SORBS2: variants seen among roughly 807,000 people sequenced by gnomAD.
SORBS2 encodes the protein sorbin and SH3 domain containing 2, also known as sorbin and SH3 domain-containing protein 2.
In SORBS2, 46 loss-of-function variants were observed where a neutral mutation model predicts 97.7. The ratio of observed to expected loss-of-function variants is 0.47; its 90% CI spans 0.37 to 0.60. SORBS2 has a LOEUF of 0.60. Among genes scored for constraint, SORBS2 ranks in the 20% least tolerant of loss-of-function variants. The probability of loss-of-function intolerance (pLI) is 0.00; values close to 1 mark genes in which losing one functional copy is unlikely to be tolerated. For missense variants in SORBS2, 1,316 were observed against 1,282.3 expected (o/e 1.03, Z -0.40); for synonymous variants, 476 against 473.4 (o/e 1.01, Z -0.07).
At position 185,606,302 on chromosome 4, in the gene SORBS2, A is replaced by G; in HGVS notation, c.2796+5478T>C. On this transcript the variant is annotated intron_variant, in intron 12 of 14. Transcript: ENST00000418609. This position sits in a 1 kb window ranked among gnomAD's most constrained non-coding sequence, Gnocchi z 4.3. ...TCCACTATTAGCTATCATTGTTAAT[A>G]TTGGAAGATTACAAAGACTATATCA... The G allele has an allele frequency of 2.0e-6, 2 of 979,168 alleles. No individual in the cohort carries two copies. Among genetic ancestry groups the G allele is most frequent in the Non-Finnish European group, 2.4e-6 (2 of 824,264 alleles). The allele number at this position is 979,168 out of a possible 1,614,324, so 60.7% of individuals were successfully genotyped here.
chr4:185,605,411 T>C (rs1380541208), intron 12 of SORBS2, among the ~76,000 whole-genome samples: 2 of 152,072 alleles, frequency 1.3e-5, no homozygotes, highest in Non-Finnish European at 2.9e-5. Flanking sequence ...GCCTCCCGAG[T>C]AGCTGGGATT....
At chr4:185,627,466 C>T (rs921536449) in intron 5 of SORBS2, among the ~76,000 whole-genome samples, 1 of 152,192 alleles carries the variant, frequency 6.6e-6, no homozygotes, top group Non-Finnish European at 1.5e-5. Context: ...AATCCTCAAG[C>T]CTCAGTCTCC....
At position 185,613,646 on chromosome 4, in the gene SORBS2, C is replaced by CAAA. The variant is rs35723770; in HGVS notation, c.2595+1182_2595+1184dup. ...TGGGTGACAGAGTGACACTCCATCT[C>CAAA]AAAAAAAAAAAAAAAAAAAAAAAGT... On this transcript the variant is annotated intron_variant, in intron 11 of 14. Coordinates refer to ENST00000418609, the Ensembl canonical transcript of SORBS2. 1.6e-3 allele frequency among the ~76,000 whole-genome samples: 136 copies of CAAA among 85,636 alleles called. 3 individuals are homozygous for CAAA. Among genetic ancestry groups the CAAA allele is most frequent in the African/African-American group, 3.4e-3 (81 of 23,774 alleles). The allele number at this position is 85,636 out of a possible 152,430, so 56.2% of individuals were successfully genotyped here. A position where few individuals can be genotyped will look rare whatever the true frequency, so the allele number is the denominator to read the frequency against.
chr4:185,800,565 C>T (rs932839571), intron 1 of SORBS2, among the ~76,000 whole-genome samples: 1 of 152,104 alleles, frequency 6.6e-6, no homozygotes, highest in Non-Finnish European at 1.5e-5. Context: ...TGGGATCTTG[C>T]CCCTGGGGTA....
At chr4:185,694,484 T>C (rs1312340612) in intron 2 of SORBS2, among the ~76,000 whole-genome samples, 1 of 152,170 alleles carries the variant, frequency 6.6e-6, no homozygotes, top group East Asian at 1.9e-4. Flanking sequence ...TGTTTACTTT[T>C]GTCAAAGTTT....
chr4:185,938,127 A>T (rs1261042366), intron 1 of SORBS2, among the ~76,000 whole-genome samples: 5 of 149,418 alleles, frequency 3.3e-5, no homozygotes, highest in Non-Finnish European at 7.4e-5. Context: ...TCCTGTGAGT[A>T]GCTGGGATTA....
chr4:185,912,127 C>A (rs2099255455), intron 1 of SORBS2, among the ~76,000 whole-genome samples: 2 of 151,974 alleles, frequency 1.3e-5, no homozygotes, highest in Non-Finnish European at 2.9e-5. Flanking sequence ...GTTTAAATAA[C>A]CCTAAAAAAC....
chr4:185,842,359 T>C (rs1356225244), intron 1 of SORBS2, among the ~76,000 whole-genome samples: 1 of 151,968 alleles, frequency 6.6e-6, no homozygotes. Context: ...TAGAGCAGAG[T>C]GGACAAGAAG....
intron 1 of SORBS2, among the ~76,000 whole-genome samples, chr4:185,946,932 C>A (rs1374546852): frequency 1.3e-5 from 2 of 152,230 alleles, no homozygotes; most frequent in Admixed American, 6.5e-5. Flanking sequence ...CAGGGTCATA[C>A]AACCAAACCT....
chr4:185,646,837 T>C, intron 3 of SORBS2, 55 bp from the exon 13 acceptor site: 3 of 1,011,826 alleles, frequency 3.0e-6, no homozygotes, highest in Non-Finnish European at 4.7e-6. Context: ...TTAAAGCAAT[T>C]GTGTAAAACC....
At chr4:185,808,447 T>C (rs1376901746) in intron 1 of SORBS2, among the ~76,000 whole-genome samples, 1 of 152,178 alleles carries the variant, frequency 6.6e-6, no homozygotes, top group Non-Finnish European at 1.5e-5. Context: ...TTATTTTTGA[T>C]TGTGGCAGTT....
At chr4:185,675,031 A>G (rs2097771672) in intron 4 of SORBS2, 1 of 152,238 alleles carries the variant, frequency 6.6e-6, no homozygotes, top group Non-Finnish European at 1.5e-5. Flanking sequence ...AACAGACTTG[A>G]CATAGGTTAG....
intron 1 of SORBS2, among the ~76,000 whole-genome samples, chr4:185,803,402 G>A (rs1352836930): frequency 6.6e-6 from 1 of 152,184 alleles, no homozygotes; most frequent in African/African-American, 2.4e-5. Context: ...AAATCATTAT[G>A]ATGTAATATT....
chr4:185,848,618 CTT>C (rs537195530), intron 1 of SORBS2, among the ~76,000 whole-genome samples: 12 of 75,632 alleles, frequency 1.6e-4, no homozygotes, highest in Non-Finnish European at 1.9e-4. Flanking sequence ...AAGGATATCT[CTT>C]TTTTTTTTTT....
intron 1 of SORBS2, among the ~76,000 whole-genome samples, chr4:185,902,829 T>C (rs1346226117): frequency 6.6e-6 from 1 of 152,198 alleles, no homozygotes; most frequent in East Asian, 1.9e-4. Context: ...CTGACAGCAG[T>C]TGGTTTAGCT....
intron 1 of SORBS2, among the ~76,000 whole-genome samples, chr4:185,926,856 C>A (rs1267797668): frequency 6.6e-6 from 1 of 151,910 alleles, no homozygotes; most frequent in Non-Finnish European, 1.5e-5. Flanking sequence ...CCATTGCTGA[C>A]CCTGACATTA....
At chr4:185,856,206 C>A (rs1368422704) in intron 1 of SORBS2, among the ~76,000 whole-genome samples, 2 of 152,132 alleles carry the variant, frequency 1.3e-5, no homozygotes, top group Non-Finnish European at 2.9e-5. Context: ...CAGTGTCATG[C>A]AGTAGAAAGA....
chr4:185,953,427 T>C (rs1451798579), intron 1 of SORBS2, among the ~76,000 whole-genome samples: 1 of 152,224 alleles, frequency 6.6e-6, no homozygotes, highest in East Asian at 1.9e-4. Context: ...ACCCTTCCTT[T>C]GGAAAAATCT....
At chr4:185,938,979 A>C (rs1179383159) in intron 1 of SORBS2, among the ~76,000 whole-genome samples, 3 of 152,178 alleles carry the variant, frequency 2.0e-5, no homozygotes, top group Non-Finnish European at 2.9e-5. Flanking sequence ...CTCAATCAGT[A>C]TTTAAAACTG....
Sources: gnomAD v4.1 joint callset for allele counts (sites outside exome capture counted in the v4.1 genomes callset) on GRCh38, gnomAD v4.1.1 for gene constraint, Gnocchi (gnomAD v3.1) non-coding constraint, MANE v1.5 for transcripts, NCBI Gene and HGNC (gene_info 2026-07-23, HGNC 2026-07-21) for gene names.